FBXO25: variants seen among roughly 807,000 people sequenced by gnomAD.
FBXO25 encodes F-box protein 25.
In FBXO25, 45 loss-of-function variants were observed where a neutral mutation model predicts 51.9. The observed-to-expected ratio is 0.87, with a 90% CI of 0.68 to 1.11. FBXO25 has a LOEUF of 1.11. Among genes scored for constraint, FBXO25 ranks in the 50% most tolerant of loss-of-function variants. The pLI, the probability that FBXO25 is intolerant of heterozygous loss-of-function variation, is 0.00. For synonymous variants in FBXO25, 199 were observed against 151.0 expected (o/e 1.32, Z -2.33); for missense variants, 507 against 428.5 (o/e 1.18, Z -1.62).
chr8:449,363 G>C (rs534840556), intron 5 of FBXO25, among the ~76,000 whole-genome samples: 40 of 152,342 alleles, frequency 2.6e-4, no homozygotes, highest in African/African-American at 9.6e-4. Context: ...CATTCCCACA[G>C]GAGACCTCTA....
At position 449,587 on chromosome 8, in the gene FBXO25, G is replaced by A. The variant is rs141038065; in HGVS notation, c.382-403G>A. Reference sequence around the variant, plus strand: ...GATTGTCTGTTCAGCAAACAACTGCGAGTATGGGCTTAGGTTGTGAAAATA... The same window carrying A: ...GATTGTCTGTTCAGCAAACAACTGCAAGTATGGGCTTAGGTTGTGAAAATA... On this transcript the variant is annotated intron_variant, in intron 5 of 9. Coordinates refer to ENST00000350302, the MANE Select transcript of FBXO25 (RefSeq NM_183420.2). Among the ~76,000 whole-genome samples the A allele has an allele frequency of 2.4e-3, 372 of 152,290 alleles. 1 individual carries two copies. The highest frequency in any genetic ancestry group is 8.1e-3 in the African/African-American group (336 of 41,556).
intron 2 of FBXO25, among the ~76,000 whole-genome samples, chr8:415,911 C>T (rs1796770863): frequency 6.6e-6 from 1 of 152,130 alleles, no homozygotes; most frequent in South Asian, 2.1e-4. Flanking sequence ...CTGTAATTGC[C>T]TATAGTTATT....
rs1800370039 is a variant in FBXO25, at chr8:468,903, C to T, written c.*99C>T. The T allele has an allele frequency of 9.0e-7, 1 of 1,107,862 alleles. No homozygotes were observed. Among genetic ancestry groups the T allele is most frequent in the South Asian group, 1.6e-5 (1 of 60,950 alleles). The allele number at this position is 1,107,862 out of a possible 1,614,324, so 68.6% of individuals were successfully genotyped here. On this transcript the variant is annotated 3_prime_UTR_variant, in exon 10 of 10. Coordinates refer to ENST00000350302, the MANE Select transcript of FBXO25 (RefSeq NM_183420.2). ...GAGGTGGGTGGAGACTCCTCGGAAG[C>T]CCCTGCTTCCAGAAAGCCTGGGAAG...
intron 2 of FBXO25, among the ~76,000 whole-genome samples, chr8:416,655 T>G (rs1585005798): frequency 6.6e-6 from 1 of 152,306 alleles, no homozygotes; most frequent in East Asian, 1.9e-4. Flanking sequence ...GTCCTACCTC[T>G]ACTCCTTTGT....
Position 473,344 on chromosome 8 carries a change from G to T in FBXO25, c.*4540G>T, listed in dbSNP as rs1179022310. ...CAGCATGAGACAGTGTGTTCTAGGT[G>T]GTAACGTGGCACCTGCACATGCACC... On this transcript the variant is annotated 3_prime_UTR_variant, in exon 10 of 10. Coordinates refer to ENST00000350302, the MANE Select transcript of FBXO25 (RefSeq NM_183420.2). The T allele has an allele frequency of 1.3e-5, 2 of 152,254 alleles. No homozygotes were observed. The highest frequency in any genetic ancestry group is 1.3e-4 in the Admixed American group (2 of 15,284). The allele number at this position is 152,254 out of a possible 1,614,324, so 9.4% of individuals were successfully genotyped here.
rs80339200 is a variant in FBXO25 at position 468,712 on chromosome 8, C to T, written c.988-3C>T. ...CTCCTAACCATCTCCCACCTCCCCA[C>T]AGGACTCAGGACACCCCTGCACGGC... is the stretch of plus-strand genomic sequence containing the variant. On this transcript the variant is annotated splice_polypyrimidine_tract_variant and splice_region_variant and intron_variant, in intron 9 of 9. Transcript: ENST00000350302. The T allele has an allele frequency of 1.2e-6, 2 of 1,613,580 alleles. No individual in the cohort carries two copies. Among genetic ancestry groups the T allele is most frequent in the African/African-American group, 1.3e-5 (1 of 75,014 alleles).
chr8:450,952 C>T (rs573947994), intron 6 of FBXO25: 1 of 218,614 alleles, frequency 4.6e-6, no homozygotes, highest in Admixed American at 5.7e-5. Context: ...AATTATCATT[C>T]TACTTTCTGT....
In FBXO25 at chr8:468,720, A is replaced by C. The variant is rs1263278146; in HGVS notation, c.993A>C (p.Ser331=). The part of the protein sequence containing the change: ...RHCSILFWKD[S]GHPCTAADPD... ...CATCTCCCACCTCCCCACAGGACTCAGGACACCCCTGCACGGCGGCCGACC... is the reference window on the plus strand; with the variant it reads ...CATCTCCCACCTCCCCACAGGACTCCGGACACCCCTGCACGGCGGCCGACC... Residue 331 remains serine, a synonymous_variant, in exon 10 of 10, where the codon TCA becomes TCC. Coordinates refer to ENST00000350302, the MANE Select transcript of FBXO25 (RefSeq NM_183420.2). The C allele has an allele frequency of 6.2e-7, 1 of 1,613,722 alleles. No individual in the cohort carries two copies. Among genetic ancestry groups the C allele is most frequent in the African/African-American group, 1.3e-5 (1 of 74,888 alleles).
chr8:410,264 TTG>T (rs1260397943), intron 1 of FBXO25, among the ~76,000 whole-genome samples: 2 of 152,226 alleles, frequency 1.3e-5, no homozygotes, highest in Admixed American at 1.3e-4. Context: ...TGTATGGAAT[TTG>T]TGTGTGTTTT....
intron 9 of FBXO25, among the ~76,000 whole-genome samples, chr8:467,369 T>TA (rs569291249): frequency 2.0e-5 from 3 of 152,246 alleles, no homozygotes; most frequent in Non-Finnish European, 4.4e-5. Context: ...AGTTTTAATA[T>TA]AAACTGCACA....
intron 2 of FBXO25, among the ~76,000 whole-genome samples, chr8:424,275 A>G (rs1157133239): frequency 6.6e-6 from 1 of 152,030 alleles, no homozygotes; most frequent in Admixed American, 6.6e-5. Context: ...CCTTTGTCAG[A>G]CGCATAGTTT....
intron 7 of FBXO25, among the ~76,000 whole-genome samples, chr8:453,540 C>G (rs1799225895): frequency 6.6e-6 from 1 of 152,110 alleles, no homozygotes; most frequent in Non-Finnish European, 1.5e-5. Flanking sequence ...TTTGTAGATG[C>G]CGGACTCAGT....
At chr8:434,044 T>C (rs1399447689) in intron 4 of FBXO25, among the ~76,000 whole-genome samples, 1 of 152,210 alleles carries the variant, frequency 6.6e-6, no homozygotes, top group African/African-American at 2.4e-5. Context: ...AGCTAGCATA[T>C]GCAGGAAAGG....
At position 476,443 on chromosome 8, in the gene FBXO25, T is replaced by C. The variant is rs1287730787; in HGVS notation, c.*7639T>C. 6.6e-6 allele frequency: 1 copy of C among 152,230 alleles called. No individual in the cohort carries two copies. Among genetic ancestry groups the C allele is most frequent in the East Asian group, 1.9e-4 (1 of 5,200 alleles). 9.4% of individuals were successfully genotyped at this position (152,230 alleles called of 1,614,324 possible). ...TTTGGAAGAGTTTGAGGAGAATTGA[T>C]TTAATTCTTCAGATGTTTGCCAGAA... On this transcript the variant is annotated 3_prime_UTR_variant, in exon 10 of 10. Transcript: ENST00000350302.
rs1358540161 is a variant in FBXO25, at chr8:477,765, T to C, written c.*8961T>C. 2 of 152,282 alleles carry C rather than the reference T, an allele frequency of 1.3e-5. No individual in the cohort carries two copies. The highest frequency in any genetic ancestry group is 4.8e-5 in the African/African-American group (2 of 41,474). 9.4% of individuals were successfully genotyped at this position (152,282 alleles called of 1,614,324 possible). A position where few individuals can be genotyped will look rare whatever the true frequency, so the allele number is the denominator to read the frequency against. ...GTTCCAAACTTTTTGGACAATAAAA[T>C]CTGAATTTCACATACTTTTCTTATG... On this transcript the variant is annotated 3_prime_UTR_variant, in exon 10 of 10. Coordinates refer to ENST00000350302, the MANE Select transcript of FBXO25 (RefSeq NM_183420.2).
intron 2 of FBXO25, among the ~76,000 whole-genome samples, chr8:419,935 T>A (rs765149909): frequency 2.6e-5 from 4 of 152,118 alleles, no homozygotes; most frequent in Non-Finnish European, 5.9e-5. Context: ...AACAACCCAG[T>A]AAAAAATTGG....
chr8:438,789 C>T (rs921777625), intron 5 of FBXO25, among the ~76,000 whole-genome samples: 1 of 152,198 alleles, frequency 6.6e-6, no homozygotes, highest in Non-Finnish European at 1.5e-5. Context: ...TGCCAGTGAT[C>T]ACAGGGTTGT....
intron 2 of FBXO25, among the ~76,000 whole-genome samples, chr8:418,252 A>G (rs1405424449): frequency 2.7e-5 from 4 of 149,500 alleles, no homozygotes; most frequent in Non-Finnish European, 5.9e-5. Context: ...TACTTTAACT[A>G]GTTTGGTGGG....
At chr8:468,037 C>G (rs1800298873) in intron 9 of FBXO25, 1 of 1,283,290 alleles carries the variant, frequency 7.8e-7, no homozygotes, top group Non-Finnish European at 9.9e-7. Flanking sequence ...ACTGCCAGGG[C>G]ATGCCATGGA....
Sources: allele counts gnomAD v4.1 joint callset (sites outside exome capture counted in the v4.1 genomes callset), GRCh38; gene constraint gnomAD v4.1.1; transcripts MANE v1.5; gene names NCBI Gene and HGNC (gene_info 2026-07-23, HGNC 2026-07-21).